OCA2: variants seen among roughly 807,000 people sequenced by gnomAD.
OCA2 encodes P protein.
In OCA2, 77 loss-of-function variants were observed where a neutral mutation model predicts 100.2. The ratio of observed to expected loss-of-function variants is 0.77; its 90% confidence interval spans 0.64 to 0.93. The LOEUF (loss-of-function observed/expected upper bound fraction) is 0.93. OCA2 is among the 40% of genes least tolerant of loss of function. The pLI is 0.00. For missense variants in OCA2, 1,062 were observed against 1,089.1 expected (o/e 0.98, Z 0.35); for synonymous variants, 432 against 439.2 (o/e 0.98, Z 0.21).
At position 28,043,012 on chromosome 15, in the gene OCA2, C is replaced by T. The variant is rs1214718638; in HGVS notation, c.228-10849G>A. On this transcript the variant is annotated intron_variant, in intron 2 of 23. Coordinates refer to ENST00000354638, the MANE Select transcript of OCA2 (RefSeq NM_000275.3). The surrounding 1 kb of genome is among the most constrained non-coding windows in gnomAD (Gnocchi z 4.4). Reference sequence around the variant, plus strand: ...ATATTTTTAAGAGAATGTCTACAAACTGTTTTTAAAATGCTTCCAGACAAT... The same window carrying T: ...ATATTTTTAAGAGAATGTCTACAAATTGTTTTTAAAATGCTTCCAGACAAT... 6.6e-6 allele frequency among the ~76,000 whole-genome samples: 1 copy of T among 152,166 alleles called. No individual in the cohort carries two copies. The highest frequency in any genetic ancestry group is 1.5e-5 in the Non-Finnish European group (1 of 68,022).
intron 1 of OCA2, among the ~76,000 whole-genome samples, chr15:28,095,544 C>T (rs1209256367): frequency 2.0e-5 from 3 of 151,884 alleles, no homozygotes; most frequent in Non-Finnish European, 4.4e-5. Context: ...TGGAGAAACC[C>T]CGTCTCTACT....
chr15:28,097,515 T>C (rs2045008743), intron 1 of OCA2, among the ~76,000 whole-genome samples: 1 of 152,176 alleles, frequency 6.6e-6, no homozygotes, highest in South Asian at 2.1e-4. Flanking sequence ...CTCCCCTCTG[T>C]GGTAGCCTTT....
At chr15:27,752,810 C>CA (rs2030115176), downstream of OCA2, among the ~76,000 whole-genome samples, 1 of 129,058 alleles carries the variant, frequency 7.7e-6, no homozygotes, top group African/African-American at 2.8e-5. Flanking sequence ...ACCCCCCCCC[C>CA]CCCCCCAGAG....
intron 22 of OCA2, among the ~76,000 whole-genome samples, chr15:27,846,638 G>A (rs547698257): frequency 1.3e-5 from 2 of 152,198 alleles, no homozygotes; most frequent in African/African-American, 4.8e-5. Context: ...TGCTGTGGGC[G>A]TGGATTCCTG....
At position 27,870,804 on chromosome 15, in the gene OCA2, GAA is replaced by G. The variant is rs1371748087; in HGVS notation, c.2244+348_2244+349del. Among the ~76,000 whole-genome samples the G allele has an allele frequency of 1.6e-4, 20 of 126,096 alleles. No homozygotes were observed. In the East Asian group the frequency reaches 6.0e-3, roughly 38 times the overall value. The allele number at this position is 126,096 out of a possible 152,430, so 82.7% of individuals were successfully genotyped here. ...AAAGAAAGAAAAAGAAAGAAAGAAA[GAA>G]AGAAAGAGAGAGAGAAAGAAAGAAA... On this transcript the variant is annotated intron_variant, in intron 21 of 23. Coordinates refer to ENST00000354638, the MANE Select transcript of OCA2 (RefSeq NM_000275.3).
intron 23 of OCA2, among the ~76,000 whole-genome samples, chr15:27,808,573 T>G (rs1405393663): frequency 6.6e-6 from 1 of 151,914 alleles, no homozygotes; most frequent in Non-Finnish European, 1.5e-5. Context: ...ATCTCTACAC[T>G]TTAGCGCTGC....
chr15:28,094,270 C>T (rs2044927120), intron 1 of OCA2, among the ~76,000 whole-genome samples: 2 of 152,178 alleles, frequency 1.3e-5, no homozygotes, highest in African/African-American at 4.8e-5. Flanking sequence ...CCCGTGGCTG[C>T]ACTCTCACGG....
chr15:27,883,729 T>G (rs2037117005), intron 19 of OCA2, among the ~76,000 whole-genome samples: 1 of 152,140 alleles, frequency 6.6e-6, no homozygotes, highest in Admixed American at 6.5e-5. Context: ...ATCTCAGAAG[T>G]CAGGTAGACA....
chr15:27,930,127 C>A (rs531932771), intron 18 of OCA2, among the ~76,000 whole-genome samples: 1 of 152,150 alleles, frequency 6.6e-6, no homozygotes, highest in East Asian at 1.9e-4. Flanking sequence ...ACCCACCATT[C>A]CACTTTCAAG....
At chr15:27,816,921 A>T (rs2151250015) in intron 23 of OCA2, among the ~76,000 whole-genome samples, 1 of 152,220 alleles carries the variant, frequency 6.6e-6, no homozygotes, top group South Asian at 2.1e-4. Flanking sequence ...GTGATTGATA[A>T]GATGGGCTGA....
the OCA2 span, among the ~76,000 whole-genome samples, chr15:27,744,977 G>A: frequency 6.6e-6 from 1 of 152,156 alleles, no homozygotes; most frequent in Admixed American, 6.5e-5. Flanking sequence ...TGACTCTAGT[G>A]CAGCATCGCA....
intron 2 of OCA2, among the ~76,000 whole-genome samples, chr15:28,034,995 C>A (rs184120129): frequency 6.6e-6 from 1 of 152,100 alleles, no homozygotes; most frequent in African/African-American, 2.4e-5. Flanking sequence ...AGAGTGGAGG[C>A]GCTATTGCTC....
chr15:27,800,137 G>A (rs1002265198), intron 23 of OCA2, among the ~76,000 whole-genome samples: 3 of 152,114 alleles, frequency 2.0e-5, no homozygotes, highest in African/African-American at 7.2e-5. Context: ...AAGGAAACTA[G>A]AAATTTTGTT....
chr15:27,992,811 A>G lies in OCA2; in HGVS notation c.1045-2164T>C, dbSNP rs542789699. Among the ~76,000 whole-genome samples, 38 of 152,294 alleles carry G rather than the reference A, an allele frequency of 2.5e-4. No individual in the cohort carries two copies. In the South Asian group the frequency reaches 7.3e-3, roughly 29 times the overall value. ...TTTGGGCTAACTTTGTCTGGACGGA[A>G]AGGAGACTTCCAGTAAAGAGCAAAG... On this transcript the variant is annotated intron_variant, in intron 9 of 23. Transcript: ENST00000354638.
At chr15:27,939,537 A>G (rs778642837) in intron 18 of OCA2, among the ~76,000 whole-genome samples, 9 of 152,248 alleles carry the variant, frequency 5.9e-5, no homozygotes, top group Non-Finnish European at 1.2e-4. Context: ...ACCTTTTCAT[A>G]TGCTCATTTA....
At position 28,074,660 on chromosome 15, in the gene OCA2, C is replaced by T. The variant is rs1483956520; in HGVS notation, c.227+6988G>A. On this transcript the variant is annotated intron_variant, in intron 2 of 23. Coordinates refer to ENST00000354638, the MANE Select transcript of OCA2 (RefSeq NM_000275.3). ...CTGCACTCCAGCCTGGGCAACAGAG[C>T]GAGACTCCGTCTCAAAAAAAAAAAA... 6.9e-5 allele frequency among the ~76,000 whole-genome samples: 9 copies of T among 130,976 alleles called. No homozygotes were observed. In the South Asian group the frequency reaches 1.4e-3, roughly 21 times the overall value. The allele number at this position is 130,976 out of a possible 152,430, so 85.9% of individuals were successfully genotyped here. A position where few individuals can be genotyped will look rare whatever the true frequency, so the allele number is the denominator to read the frequency against.
At chr15:27,732,458 C>G in the OCA2 span, among the ~76,000 whole-genome samples, 3 of 152,100 alleles carry the variant, frequency 2.0e-5, no homozygotes, top group South Asian at 4.1e-4. Flanking sequence ...CGATGGAAGA[C>G]CCAGGTAGGT....
chr15:27,897,712 C>T (rs2037763910), intron 19 of OCA2, among the ~76,000 whole-genome samples: 1 of 152,202 alleles, frequency 6.6e-6, no homozygotes, highest in Admixed American at 6.5e-5. Flanking sequence ...TACTGGGGCA[C>T]CACCTAGTGG....
intron 9 of OCA2, among the ~76,000 whole-genome samples, chr15:27,993,350 G>T (rs564962765): frequency 6.6e-6 from 1 of 152,078 alleles, no homozygotes; most frequent in Non-Finnish European, 1.5e-5. Context: ...AATTGTCCCC[G>T]TGTCGGAAAA....
Sources: gnomAD v4.1 joint callset for allele counts (sites outside exome capture counted in the v4.1 genomes callset) on GRCh38, gnomAD v4.1.1 for gene constraint, Gnocchi (gnomAD v3.1) non-coding constraint, MANE v1.5 for transcripts, NCBI Gene and HGNC (gene_info 2026-07-23, HGNC 2026-07-21) for gene names.